CARS1: variants seen among roughly 807,000 people sequenced by gnomAD.
CARS1 encodes the protein cysteinyl-tRNA synthetase 1.
In CARS1, 48 loss-of-function variants were observed where a neutral mutation model predicts 106.2. The observed-to-expected ratio is 0.45, with a 90% CI of 0.36 to 0.57. The LOEUF (loss-of-function observed/expected upper bound fraction) is 0.57. CARS1 is among the 20% of genes least tolerant of loss of function. The pLI is 0.00. For synonymous variants in CARS1, 409 were observed against 403.4 expected (o/e 1.01, Z -0.17); for missense variants, 968 against 1,057.2 (o/e 0.92, Z 1.17).
rs563950970 is a variant in CARS1 at position 3,004,587 on chromosome 11, A to T, written c.2217+779T>A. Among the ~76,000 whole-genome samples the T allele has an allele frequency of 6.6e-6, 1 of 152,172 alleles. No homozygotes were observed. The highest frequency in any genetic ancestry group is 1.5e-5 in the Non-Finnish European group (1 of 68,028). On this transcript the variant is annotated intron_variant, in intron 20 of 22. Transcript: ENST00000380525. The surrounding 1 kb of genome is among the most constrained non-coding windows in gnomAD (Gnocchi z 5.2). ...TGCACTGGGGGCCCAGGTGCCTCTC[A>T]TCCTGCTGCCTGCATCCCAGGGTAC...
rs1851123478 is a variant in CARS1, at chr11:3,017,308, G to C, written c.1728-13C>G. ...CTTGTCATAAAAGCTGAGCAACAAA[G>C]AGGAAGGAATGTGAAGTCAGACCTG... On this transcript the variant is annotated splice_polypyrimidine_tract_variant and intron_variant, in intron 15 of 22. Transcript: ENST00000380525. The surrounding 1 kb of genome is among the most constrained non-coding windows in gnomAD (Gnocchi z 4.9). 3 of 1,609,042 alleles carry C rather than the reference G, an allele frequency of 1.9e-6. No homozygotes were observed. Among genetic ancestry groups the C allele is most frequent in the Non-Finnish European group, 2.6e-6 (3 of 1,175,788 alleles).
rs376876786 is a variant in CARS1 at position 3,039,295 on chromosome 11, G to C, written c.553-3C>G. ...TTCTGCCGGGCCCTCTTGATGATCTGGGGAGGGAAGGCAGACATTGGGGAG... is the reference window on the plus strand; with the variant it reads ...TTCTGCCGGGCCCTCTTGATGATCTCGGGAGGGAAGGCAGACATTGGGGAG... On this transcript the variant is annotated splice_region_variant and splice_polypyrimidine_tract_variant and intron_variant, in intron 5 of 22. Transcript: ENST00000380525. The surrounding 1 kb of genome is among the most constrained non-coding windows in gnomAD (Gnocchi z 5.6). 1 of 1,586,922 alleles carries C rather than the reference G, an allele frequency of 6.3e-7. No homozygotes were observed. Among genetic ancestry groups the C allele is most frequent in the African/African-American group, 1.3e-5 (1 of 74,316 alleles).
At chr11:3,011,422 G>A (rs1465772256) in intron 18 of CARS1, among the ~76,000 whole-genome samples, 11 of 147,730 alleles carry the variant, frequency 7.4e-5, no homozygotes, top group African/African-American at 2.5e-4. Flanking sequence ...TGGCCAACAC[G>A]GTGAAACCCC....
Position 3,052,903 on chromosome 11 carries a change from G to A in CARS1, c.25+4440C>T, listed in dbSNP as rs553008709. Among the ~76,000 whole-genome samples, 9 of 152,348 alleles carry A rather than the reference G, an allele frequency of 5.9e-5. No homozygotes were observed. The highest frequency in any genetic ancestry group is 2.2e-4 in the African/African-American group (9 of 41,586). On this transcript the variant is annotated intron_variant, in intron 1 of 22. Coordinates refer to ENST00000380525, the MANE Select transcript of CARS1 (RefSeq NM_001014437.3). This position sits in a 1 kb window ranked among gnomAD's most constrained non-coding sequence, Gnocchi z 4.6. Reference sequence around the variant, plus strand: ...CTGGCCCTCATCGTAGAGCCTGCACGCTCCGTGCCGAAACTCCTGCTCTGC... The same window carrying A: ...CTGGCCCTCATCGTAGAGCCTGCACACTCCGTGCCGAAACTCCTGCTCTGC...
chr11:3,010,215 C>T (rs1412055159), intron 18 of CARS1, among the ~76,000 whole-genome samples: 6 of 152,260 alleles, frequency 3.9e-5, no homozygotes, highest in African/African-American at 9.6e-5. Context: ...TGTGCCTGGC[C>T]AGTCCCCCTT....
Position 3,040,015 on chromosome 11 carries a change from G to C in CARS1, c.456-84C>G. On this transcript the variant is annotated intron_variant, in intron 4 of 22. Coordinates refer to ENST00000380525, the MANE Select transcript of CARS1 (RefSeq NM_001014437.3). This position sits in a 1 kb window ranked among gnomAD's most constrained non-coding sequence, Gnocchi z 5.8. ...AACAACACGTGTTTGAACTGCATGA[G>C]TGCATTTATATATGATTTTCTCTGC... 1 of 682,770 alleles carries C rather than the reference G, an allele frequency of 1.5e-6. No homozygotes were observed. Among genetic ancestry groups the C allele is most frequent in the Non-Finnish European group, 2.5e-6 (1 of 400,946 alleles). 42.3% of individuals were successfully genotyped at this position (682,770 alleles called of 1,614,324 possible).
At position 3,050,529 on chromosome 11, in the gene CARS1, C is replaced by T. The variant is rs1855559371; in HGVS notation, c.26-2528G>A. 6.6e-6 allele frequency among the ~76,000 whole-genome samples: 1 copy of T among 152,356 alleles called. No homozygotes were observed. The highest frequency in any genetic ancestry group is 1.9e-4 in the East Asian group (1 of 5,182). On this transcript the variant is annotated intron_variant, in intron 1 of 22. Transcript: ENST00000380525. The surrounding 1 kb of genome is among the most constrained non-coding windows in gnomAD (Gnocchi z 6.3). ...ATTCCTGCAAGCCAGACACCGCCAC[C>T]TGTAGCCAGCATGGCTCTCCCCTCA...
In CARS1 at chr11:3,040,879, C is replaced by T. The variant is rs1214217304; in HGVS notation, c.455+17G>A. ...TGCAACTGCAGAAGCTGCAGGGACA[C>T]CCCGCGGTGGACCTACCTGGCGTGC... On this transcript the variant is annotated intron_variant, in intron 4 of 22. Transcript: ENST00000380525. This position sits in a 1 kb window ranked among gnomAD's most constrained non-coding sequence, Gnocchi z 5.8. 3.1e-6 allele frequency: 5 copies of T among 1,612,084 alleles called. No homozygotes were observed. Among genetic ancestry groups the T allele is most frequent in the Non-Finnish European group, 4.2e-6 (5 of 1,179,038 alleles).
rs1854896245 is a variant in CARS1, at chr11:3,044,684, C to G, written c.275-2428G>C. Among the ~76,000 whole-genome samples, 1 of 152,094 alleles carries G rather than the reference C, an allele frequency of 6.6e-6. No individual in the cohort carries two copies. The highest frequency in any genetic ancestry group is 2.4e-5 in the African/African-American group (1 of 41,394). ...TGCTGGGATTACAGGTGTGAGCCAC[C>G]GCGCCTGGCCTGTGCTTTTGTTTCT... is the stretch of plus-strand genomic sequence containing the variant. On this transcript the variant is annotated intron_variant, in intron 2 of 22. Transcript: ENST00000380525. The surrounding 1 kb of genome is among the most constrained non-coding windows in gnomAD (Gnocchi z 4.4).
In CARS1 at chr11:3,042,182, T is replaced by G. The variant is rs776495869; in HGVS notation, c.349A>C (p.Ser117Arg). 1.2e-6 allele frequency: 2 copies of G among 1,613,884 alleles called. No homozygotes were observed. The highest frequency in any genetic ancestry group is 2.2e-5 in the South Asian group (2 of 91,076). ...TQPCRLHLYN[S>R]LTRNKEVFIP... ...CTCCTTACCTTGTTCCTGGTGAGGC[T>G]GTTGTAAAGGTGGAGTCTGCATGGC... is the stretch of plus-strand genomic sequence containing the variant. The change falls in exon 3 of 23, where the codon AGC becomes CGC. Residue 117 changes from serine (S) to arginine (R), a missense_variant. Physicochemically the swap from Ser to Arg is moderately radical, Grantham distance 110. Transcript: ENST00000380525.
chr11:3,002,019 C>A lies in CARS1; in HGVS notation c.2312G>T (p.Ser771Ile). ...GTCGGTTTCTGACAAGAACATCTCA[C>A]TGGGGGGAATCTTCATCTTGGCCAG... ...AKLAKMKIPP[S>I]EMFLSETDKY... The change falls in exon 22 of 23, where the codon AGT becomes ATT. Residue 771 changes from serine to isoleucine, a missense_variant. Ser to Ile is a moderately radical substitution (Grantham distance 142). Coordinates refer to ENST00000380525, the MANE Select transcript of CARS1 (RefSeq NM_001014437.3). The A allele has an allele frequency of 6.2e-7, 1 of 1,613,914 alleles. No individual in the cohort carries two copies. The highest frequency in any genetic ancestry group is 8.5e-7 in the Non-Finnish European group (1 of 1,179,902).
chr11:3,010,121 G>A (rs892121870), intron 18 of CARS1, among the ~76,000 whole-genome samples: 6 of 152,212 alleles, frequency 3.9e-5, no homozygotes, highest in African/African-American at 7.2e-5. Context: ...AAGCAAAACC[G>A]AACTACTTCC....
Position 3,021,902 on chromosome 11 carries a change from G to A in CARS1, c.1154-1570C>T, listed in dbSNP as rs1389282382. Among the ~76,000 whole-genome samples, 1 of 152,108 alleles carries A rather than the reference G, an allele frequency of 6.6e-6. No individual in the cohort carries two copies. Among genetic ancestry groups the A allele is most frequent in the African/African-American group, 2.4e-5 (1 of 41,402 alleles). On this transcript the variant is annotated intron_variant, in intron 10 of 22. Coordinates refer to ENST00000380525, the MANE Select transcript of CARS1 (RefSeq NM_001014437.3). The surrounding 1 kb of genome is among the most constrained non-coding windows in gnomAD (Gnocchi z 5.3). ...TCTTTGATAGAAAATATACATTCACGTTTTCAACTTTTCATTATTATGAAC... is the reference window on the plus strand; with the variant it reads ...TCTTTGATAGAAAATATACATTCACATTTTCAACTTTTCATTATTATGAAC...
At position 3,052,873 on chromosome 11, in the gene CARS1, C is replaced by T. The variant is rs1026716245; in HGVS notation, c.25+4470G>A. On this transcript the variant is annotated intron_variant, in intron 1 of 22. Coordinates refer to ENST00000380525, the MANE Select transcript of CARS1 (RefSeq NM_001014437.3). The surrounding 1 kb of genome is among the most constrained non-coding windows in gnomAD (Gnocchi z 4.6). ...GAAAACCTCCCAGGGACCTGTTCCT[C>T]GACACTGGCCCTCATCGTAGAGCCT... 7.9e-5 allele frequency among the ~76,000 whole-genome samples: 12 copies of T among 152,226 alleles called. No homozygotes were observed. Among genetic ancestry groups the T allele is most frequent in the East Asian group, 1.9e-4 (1 of 5,206 alleles).
At position 3,038,268 on chromosome 11, in the gene CARS1, T is replaced by C. The variant is rs1263637334; in HGVS notation, c.652-69A>G. The C allele has an allele frequency of 3.5e-6, 5 of 1,447,054 alleles. No homozygotes were observed. Among genetic ancestry groups the C allele is most frequent in the Non-Finnish European group, 4.8e-6 (5 of 1,038,440 alleles). The allele number at this position is 1,447,054 out of a possible 1,614,324, so 89.6% of individuals were successfully genotyped here. A position where few individuals can be genotyped will look rare whatever the true frequency, so the allele number is the denominator to read the frequency against. On this transcript the variant is annotated intron_variant, in intron 6 of 22. Transcript: ENST00000380525. The surrounding 1 kb of genome is among the most constrained non-coding windows in gnomAD (Gnocchi z 4.0). ...CAAAACCTAAATTCATAAAGGTGAT[T>C]CCAGGTAGAAAACAGAACGGTTTTT...
In CARS1 at chr11:3,037,374, G is replaced by A. The variant is rs1261667000; in HGVS notation, c.801+676C>T. 6.6e-6 allele frequency among the ~76,000 whole-genome samples: 1 copy of A among 152,228 alleles called. No individual in the cohort carries two copies. Among genetic ancestry groups the A allele is most frequent in the Admixed American group, 6.5e-5 (1 of 15,288 alleles). ...CCAGGGCAGTGGTGAGGGAAGGCAG[G>A]GCTGCGGCCTCAGTGGGGCCTCTTT... On this transcript the variant is annotated intron_variant, in intron 7 of 22. Coordinates refer to ENST00000380525, the MANE Select transcript of CARS1 (RefSeq NM_001014437.3). This position sits in a 1 kb window ranked among gnomAD's most constrained non-coding sequence, Gnocchi z 5.9.
intron 17 of CARS1, among the ~76,000 whole-genome samples, chr11:3,012,913 C>T (rs1292618950): frequency 3.4e-5 from 4 of 119,274 alleles, no homozygotes; most frequent in African/African-American, 1.0e-4. Context: ...TTTTTTAAGA[C>T]GGAATCTTGC....
intron 7 of CARS1, chr11:3,031,706 A>G (rs511990): frequency 0.33 from 50,597 of 152,188 alleles, 10,298 homozygotes; most frequent in East Asian, 0.63. Context: ...AACTTACCAG[A>G]GCAGAGACTC....
intron 3 of CARS1, 107 bp downstream of exon 3, chr11:3,042,058 C>A (rs1268428571): frequency 1.3e-6 from 1 of 747,510 alleles, no homozygotes; most frequent in East Asian, 2.8e-5. Context: ...AACTCCAGAT[C>A]CCAACACAAG....
Sources: gnomAD v4.1 joint callset for allele counts (sites outside exome capture counted in the v4.1 genomes callset) on GRCh38, gnomAD v4.1.1 for gene constraint, Gnocchi (gnomAD v3.1) non-coding constraint, MANE v1.5 for transcripts, NCBI Gene and HGNC (gene_info 2026-07-23, HGNC 2026-07-21) for gene names.